ABCA2: variants seen among roughly 807,000 people sequenced by gnomAD.
ABCA2 encodes the protein ATP binding cassette subfamily A member 2, also known as ATP-binding cassette sub-family A member 2.
Under a neutral mutation model 262.8 loss-of-function variants are expected in ABCA2, and 84 were observed. The observed-to-expected ratio is 0.32, with a 90% CI of 0.27 to 0.38. The LOEUF (loss-of-function observed/expected upper bound fraction) is 0.38. ABCA2 is among the 10% of genes least tolerant of loss of function. The probability of loss-of-function intolerance (pLI) is 1.00; values close to 1 mark genes in which losing one functional copy is unlikely to be tolerated. For synonymous variants in ABCA2, 1,696 were observed against 1,502.9 expected (o/e 1.13, Z -2.97); for missense variants, 2,662 against 3,405.9 (o/e 0.78, Z 5.44).
In ABCA2 at chr9:137,018,777, C is replaced by T. The variant is rs772405519; in HGVS notation, c.1761G>A (p.Glu587=). The T allele has an allele frequency of 2.5e-6, 4 of 1,612,556 alleles. No individual in the cohort carries two copies. The highest frequency in any genetic ancestry group is 2.7e-5 in the African/African-American group (2 of 74,856). ...GGTTGAGGGTGTAGTTGACAATGCT[C>T]TCCTCGTCGGGGAAGCCCTTGAAGA... ...VDIFKGFPDE[E]SIVNYTLNQA... is the part of the protein sequence containing the mutation. Residue 587 remains glutamate (E), a synonymous_variant, in exon 13 of 49, where the codon GAG becomes GAA. Coordinates refer to ENST00000341511, the MANE Select transcript of ABCA2 (RefSeq NM_001606.5).
Position 137,021,864 on chromosome 9 carries a change from GC to G in ABCA2, c.678+26del. 1.3e-6 allele frequency: 2 copies of G among 1,556,306 alleles called. No individual in the cohort carries two copies. Among genetic ancestry groups the G allele is most frequent in the Non-Finnish European group, 1.7e-6 (2 of 1,144,408 alleles). Reference sequence around the variant, plus strand: ...CCCCCAGAGGCAGGCAGCACTCCAGGCCCATCCCACACATGGATGCCCTCAC... The same window carrying G: ...CCCCCAGAGGCAGGCAGCACTCCAGGCCATCCCACACATGGATGCCCTCAC... On this transcript the variant is annotated intron_variant, in intron 7 of 48. Transcript: ENST00000341511. This position sits in a 1 kb window ranked among gnomAD's most constrained non-coding sequence, Gnocchi z 6.0.
chr9:137,011,719 C>T lies in ABCA2; in HGVS notation c.5566G>A (p.Val1856Ile). ...AGGTCGAACACAAACAGGATGATGA[C>T]ACAGCAGGTAGCGGGGACCAGGTAG... ...LNYLVPATCCVIILFVFDLPA... is the reference protein window; with the variant it reads ...LNYLVPATCCIIILFVFDLPA... Residue 1856 changes from valine (V) to isoleucine (I), a missense_variant, in exon 36 of 49, where the codon GTC (valine) becomes ATC (isoleucine). By Grantham distance (29) the Val-to-Ile change is conservative. Coordinates refer to ENST00000341511, the MANE Select transcript of ABCA2 (RefSeq NM_001606.5). This position sits in a 1 kb window ranked among gnomAD's most constrained non-coding sequence, Gnocchi z 8.8. 3 of 1,553,138 alleles carry T rather than the reference C, an allele frequency of 1.9e-6. No homozygotes were observed. Among genetic ancestry groups the T allele is most frequent in the Middle Eastern group, 1.7e-4 (1 of 5,994 alleles).
Position 137,017,871 on chromosome 9 carries a change from C to T in ABCA2, c.2127G>A (p.Pro709=), listed in dbSNP as rs761477579. The T allele has an allele frequency of 2.9e-5, 47 of 1,612,488 alleles. No homozygotes were observed. Among genetic ancestry groups the T allele is most frequent in the Non-Finnish European group, 3.3e-5 (39 of 1,179,860 alleles). Residue 709 remains proline, a synonymous_variant, in exon 16 of 49, where the codon CCG becomes CCA. Transcript: ENST00000341511. The stretch of plus-strand genomic sequence containing the variant: ...AGACCCAGGAGATCACCATGCACAG[C>T]GGCATCATGTGCTCAATGACAAACA... ...DFLFVIEHMM[P]LCMVISWVYS... is the part of the protein sequence containing the mutation.
chr9:137,012,674 C>A, intron 31 of ABCA2, 38 bp downstream of exon 31: 3 of 1,610,726 alleles, frequency 1.9e-6, no homozygotes, highest in Admixed American at 1.7e-5. Context: ...TGGCTGGTGG[C>A]CGGCCACCCT....
Position 137,014,180 on chromosome 9 carries a change from C to T in ABCA2, c.4228G>A (p.Val1410Ile), listed in dbSNP as rs771575267. The T allele has an allele frequency of 6.2e-7, 1 of 1,608,180 alleles. No individual in the cohort carries two copies. Among genetic ancestry groups the T allele is most frequent in the Non-Finnish European group, 8.5e-7 (1 of 1,177,654 alleles). Residue 1410 changes from valine to isoleucine, a missense_variant, in exon 27 of 49, where the codon GTC (valine) becomes ATC (isoleucine). Transcript: ENST00000341511. Reference sequence around the variant, plus strand: ...CTGCCACCCCCACCTTGCAGGCTGACATTGTCTGGGTCCTGTGGGTTATCA... The same window carrying T: ...CTGCCACCCCCACCTTGCAGGCTGATATTGTCTGGGTCCTGTGGGTTATCA... ...LFDNPQDPDNVSLQEVEAEAL... is the reference protein window; with the variant it reads ...LFDNPQDPDNISLQEVEAEAL...
intron 45 of ABCA2, 73 bp from the exon 46 acceptor site, chr9:137,009,126 C>T: frequency 6.8e-7 from 1 of 1,467,306 alleles, no homozygotes; most frequent in Non-Finnish European, 9.3e-7. Context: ...CCTCCCAGCC[C>T]TACAGCCCCC....
intron 45 of ABCA2, 63 bp from the exon 46 acceptor site, chr9:137,009,116 C>A (rs1216709151): frequency 1.1e-5 from 17 of 1,505,952 alleles, no homozygotes; most frequent in Non-Finnish European, 1.4e-5. Flanking sequence ...AGCCCCCCAG[C>A]CTCCCAGCCC....
At chr9:137,025,121 A>G (rs1831609737) in intron 1 of ABCA2, among the ~76,000 whole-genome samples, 1 of 152,166 alleles carries the variant, frequency 6.6e-6, no homozygotes, top group Non-Finnish European at 1.5e-5. Context: ...CGGGGCAGCC[A>G]GTCTTGGGCC....
In ABCA2 at chr9:137,007,772, GCCGAGTACAGGGGCTGGAGGACCAGAAGC is replaced by G; in HGVS notation, c.*128_*156del. ...GCAACCGCAGTGACCACAGGGCATG[GCCGAGTACAGGGGCTGGAGGACCAGAAGC>G]CCCTTGGTCCTGAACCTCCACTCCA... On this transcript the variant is annotated 3_prime_UTR_variant, in exon 49 of 49. Transcript: ENST00000341511. The G allele has an allele frequency of 9.6e-7, 1 of 1,045,012 alleles. No individual in the cohort carries two copies. The highest frequency in any genetic ancestry group is 3.0e-4 in the Middle Eastern group (1 of 3,314). 64.7% of individuals were successfully genotyped at this position (1,045,012 alleles called of 1,614,324 possible).
intron 24 of ABCA2, 102 bp from the exon 25 acceptor site, chr9:137,015,199 G>T: frequency 7.4e-7 from 1 of 1,350,730 alleles, no homozygotes; most frequent in Non-Finnish European, 1.0e-6. Flanking sequence ...TGGAGAGGAA[G>T]AACCAGGCCC....
chr9:137,015,429 G>C lies in ABCA2; in HGVS notation c.3682C>G (p.Pro1228Ala). ...CAACACAGACCTTGGGGGCCCCCCG[G>C]CTCGGCGGGCCGCTTGACCAGCGTG... is the stretch of plus-strand genomic sequence containing the variant. ...RLTLVKRPAE[P>A]GGPQEPGLAS... Residue 1228 changes from proline (P) to alanine (A), a missense_variant, in exon 24 of 49, where the codon CCG becomes GCG. Around this residue, in one of 12 missense-constraint regions of ABCA2, gnomAD observed 297 missense variants for 286.5 expected, o/e 1.04. Coordinates refer to ENST00000341511, the MANE Select transcript of ABCA2 (RefSeq NM_001606.5). 1 of 1,563,374 alleles carries C rather than the reference G, an allele frequency of 6.4e-7. No homozygotes were observed. Among genetic ancestry groups the C allele is most frequent in the Non-Finnish European group, 8.6e-7 (1 of 1,156,528 alleles).
chr9:137,020,559 G>A (rs1238256173), intron 9 of ABCA2, 64 bp from the exon 10 acceptor site: 1 of 1,543,320 alleles, frequency 6.5e-7, no homozygotes, highest in Non-Finnish European at 8.7e-7. Context: ...AGTGGGAGGG[G>A]CATCGGGATG....
intron 6 of ABCA2, 113 bp downstream of exon 6, chr9:137,022,238 T>C: frequency 7.4e-7 from 1 of 1,345,260 alleles, no homozygotes; most frequent in Non-Finnish European, 9.7e-7. Context: ...GGGGGCAAGG[T>C]TCAGACGGTC....
Position 137,011,616 on chromosome 9 carries a change from C to T in ABCA2, c.5651+18G>A. On this transcript the variant is annotated intron_variant, in intron 36 of 48. Coordinates refer to ENST00000341511, the MANE Select transcript of ABCA2 (RefSeq NM_001606.5). This position sits in a 1 kb window ranked among gnomAD's most constrained non-coding sequence, Gnocchi z 8.8. ...CCCGGTCCCACCTGAGGCCGCTCCC[C>T]CCTCCGCTTCCGCTTACCCATAGAG... The T allele has an allele frequency of 1.9e-6, 3 of 1,552,782 alleles. No individual in the cohort carries two copies. Among genetic ancestry groups the T allele is most frequent in the Non-Finnish European group, 2.6e-6 (3 of 1,148,500 alleles).
intron 40 of ABCA2, 50 bp downstream of exon 40, chr9:137,010,570 T>C (rs1391388111): frequency 1.2e-6 from 1 of 861,592 alleles, no homozygotes. Flanking sequence ...CCCACCCCCC[T>C]GGCCCTGGCC....
In ABCA2 at chr9:137,009,973, A is replaced by G; in HGVS notation, c.6495+10T>C. The G allele has an allele frequency of 6.3e-7, 1 of 1,596,766 alleles. No individual in the cohort carries two copies. The stretch of plus-strand genomic sequence containing the variant: ...GTGCTGACTCCCTGCCCCGCCCCAC[A>G]GATCCTCACCCGGGCCTCGTCCTTC... On this transcript the variant is annotated intron_variant, in intron 42 of 48. Coordinates refer to ENST00000341511, the MANE Select transcript of ABCA2 (RefSeq NM_001606.5).
chr9:137,014,476 C>T (rs944845009), intron 26 of ABCA2, 72 bp from the exon 27 acceptor site: 95 of 1,493,156 alleles, frequency 6.4e-5, no homozygotes, highest in South Asian at 3.5e-4. Context: ...CCCCCATCCC[C>T]GGTCTTGACC....
At chr9:137,017,418 G>C (rs1564223295) in intron 17 of ABCA2, 72 bp from the exon 18 acceptor site, 7 of 1,602,178 alleles carry the variant, frequency 4.4e-6, no homozygotes, top group Admixed American at 1.7e-5. Flanking sequence ...CCGTGCCAGG[G>C]TCCAGGGGGC....
At position 137,009,984 on chromosome 9, in the gene ABCA2, C is replaced by A. The variant is rs542871074; in HGVS notation, c.6494G>T (p.Arg2165Leu). The A allele has an allele frequency of 3.1e-5, 49 of 1,596,110 alleles. No homozygotes were observed. Among genetic ancestry groups the A allele is most frequent in the African/African-American group, 2.7e-4 (20 of 74,664 alleles). ...LRGISWKDEA[R>L]VVKWALEKLE... ...CTGCCCCGCCCCACAGATCCTCACCCGGGCCTCGTCCTTCCAGGAGATCCC... is the reference window on the plus strand; with the variant it reads ...CTGCCCCGCCCCACAGATCCTCACCAGGGCCTCGTCCTTCCAGGAGATCCC... The change falls in exon 42 of 49, where the codon CGG becomes CTG. Residue 2165 changes from arginine to leucine, a missense_variant and splice_region_variant. Around this residue, in one of 12 missense-constraint regions of ABCA2, gnomAD observed 602 missense variants for 897.4 expected, o/e 0.67. Transcript: ENST00000341511.
Sources: allele counts gnomAD v4.1 joint callset (sites outside exome capture counted in the v4.1 genomes callset), GRCh38; gene constraint gnomAD v4.1.1; regional missense constraint gnomAD v4.1.1; non-coding constraint Gnocchi (gnomAD v3.1); transcripts MANE v1.5; gene names NCBI Gene and HGNC (gene_info 2026-07-23, HGNC 2026-07-21).